SLC9B2: variants seen among roughly 807,000 people sequenced by gnomAD.
SLC9B2 encodes solute carrier family 9 member B2.
SLC9B2 carries 39 observed loss-of-function variants against 52.2 expected under a neutral mutation model. The observed-to-expected ratio is 0.75, with a 90% CI of 0.58 to 0.98. The LOEUF is 0.98. Among genes scored for constraint, SLC9B2 ranks in the 50% least tolerant of loss-of-function variants. The probability of loss-of-function intolerance (pLI) is 0.00; values close to 1 mark genes in which losing one functional copy is unlikely to be tolerated. For synonymous variants in SLC9B2, 214 were observed against 227.0 expected, an observed-to-expected ratio of 0.94 and a Z score of 0.51; for missense variants, 626 against 637.5, an observed-to-expected ratio of 0.98 and a Z score of 0.19.
At chr4:103,020,267 T>TTTC (rs57424390), downstream of SLC9B2, 4 of 418,310 alleles carry the variant, frequency 9.6e-6, no homozygotes, top group Non-Finnish European at 1.9e-5. Flanking sequence ...TTTTTTTTTT[T>TTTC]CCGCATGAAA....
At chr4:103,061,555 T>C (rs917984067) in intron 3 of SLC9B2, among the ~76,000 whole-genome samples, 3 of 152,108 alleles carry the variant, frequency 2.0e-5, no homozygotes, top group African/African-American at 7.2e-5. Flanking sequence ...ATATACCTAA[T>C]GTTAAATGAC....
At chr4:103,060,113 A>C (rs1745491855) in intron 3 of SLC9B2, among the ~76,000 whole-genome samples, 1 of 151,198 alleles carries the variant, frequency 6.6e-6, no homozygotes, top group African/African-American at 2.4e-5. Flanking sequence ...GTTTTGCTTA[A>C]GATTTATGTT....
In SLC9B2 at chr4:103,048,892, C is replaced by A. The variant is rs1302627568; in HGVS notation, c.713+1G>T. ...TCATATGACAAAGAAACAATCATTA[C>A]CCCAGTATAAATCCCCATTGCCATG... is the stretch of plus-strand genomic sequence containing the variant. On this transcript the variant is annotated splice_donor_variant, in intron 6 of 11. Coordinates refer to ENST00000394785, the MANE Select transcript of SLC9B2 (RefSeq NM_178833.7). LOFTEE classifies it high-confidence loss of function. 1.2e-6 allele frequency: 2 copies of A among 1,613,380 alleles called. No homozygotes were observed. The highest frequency in any genetic ancestry group is 1.7e-6 in the Non-Finnish European group (2 of 1,179,612).
At chr4:103,040,889 GC>G (rs1233656347) in intron 9 of SLC9B2, among the ~76,000 whole-genome samples, 1 of 152,126 alleles carries the variant, frequency 6.6e-6, no homozygotes, top group African/African-American at 2.4e-5. Flanking sequence ...AAATTCTCAA[GC>G]CCCACCACAG....
chr4:103,044,742 T>C, intron 8 of SLC9B2, 148 bp downstream of exon 8: 2 of 685,520 alleles, frequency 2.9e-6, no homozygotes, highest in South Asian at 3.7e-5. Flanking sequence ...GCCCACTTCA[T>C]AAATCTCATG....
chr4:103,074,543 T>C (rs564573072), intron 1 of SLC9B2, among the ~76,000 whole-genome samples: 3 of 152,324 alleles, frequency 2.0e-5, no homozygotes, highest in African/African-American at 4.8e-5. Context: ...TGCCTTTGTA[T>C]TGAAATTTCT....
At chr4:103,052,225 G>A (rs1560552263) in intron 4 of SLC9B2, among the ~76,000 whole-genome samples, 2 of 152,158 alleles carry the variant, frequency 1.3e-5, no homozygotes, top group Non-Finnish European at 2.9e-5. Context: ...TTCTCATAAG[G>A]AGCACACAAC....
intron 4 of SLC9B2, among the ~76,000 whole-genome samples, chr4:103,055,244 T>TG (rs1745028696): frequency 1.7e-5 from 1 of 57,340 alleles, no homozygotes; most frequent in Admixed American, 2.7e-4. Flanking sequence ...TGTTGTGGGG[T>TG]GGGGGGAGGG....
rs1045210295 is a variant in SLC9B2 at position 103,062,619 on chromosome 4, CTTTT to C, written c.271+3704_271+3707del. 2.1e-4 allele frequency among the ~76,000 whole-genome samples: 32 copies of C among 152,040 alleles called. 1 individual carries two copies. The highest frequency in any genetic ancestry group is 1.5e-5 in the Non-Finnish European group (1 of 67,986). On this transcript the variant is annotated intron_variant, in intron 3 of 11. Coordinates refer to ENST00000394785, the MANE Select transcript of SLC9B2 (RefSeq NM_178833.7). The stretch of plus-strand genomic sequence containing the variant: ...CACAAATTTTCACATGTAAGATTTA[CTTTT>C]TTTATTTTTATTTTTTGAGACAGTT...
At chr4:103,031,132 G>A (rs1359655369) in intron 10 of SLC9B2, among the ~76,000 whole-genome samples, 1 of 152,124 alleles carries the variant, frequency 6.6e-6, no homozygotes, top group Non-Finnish European at 1.5e-5. Flanking sequence ...AAGGAGTAGC[G>A]GGAGATGGGA....
In SLC9B2 at chr4:103,024,205, C is replaced by A. The variant is rs757501244; in HGVS notation, c.*2165G>T. Reference sequence around the variant, plus strand: ...CCTTAAGGACAGGGACAATATTATTCTTGATGATGTGCCTGGATCTCAAAA... The same window carrying A: ...CCTTAAGGACAGGGACAATATTATTATTGATGATGTGCCTGGATCTCAAAA... On this transcript the variant is annotated 3_prime_UTR_variant, in exon 12 of 12. Transcript: ENST00000394785. Among the ~76,000 whole-genome samples the A allele has an allele frequency of 1.3e-5, 2 of 152,144 alleles. No homozygotes were observed. The highest frequency in any genetic ancestry group is 2.9e-5 in the Non-Finnish European group (2 of 68,014).
chr4:103,024,621 A>G lies in SLC9B2; in HGVS notation c.*1749T>C, dbSNP rs185944716. ...AGGATATTCATAATTCATTCATCTA[A>G]TACATATTTAATATCTACTTCAAGA... On this transcript the variant is annotated 3_prime_UTR_variant, in exon 12 of 12. Coordinates refer to ENST00000394785, the MANE Select transcript of SLC9B2 (RefSeq NM_178833.7). 6.6e-6 allele frequency among the ~76,000 whole-genome samples: 1 copy of G among 152,346 alleles called. No homozygotes were observed. Among genetic ancestry groups the G allele is most frequent in the African/African-American group, 2.4e-5 (1 of 41,580 alleles).
upstream of SLC9B2, chr4:103,077,009 T>C (rs919784859): frequency 2.0e-5 from 3 of 152,266 alleles, no homozygotes; most frequent in African/African-American, 7.2e-5. Context: ...GCTTAACACC[T>C]GCCCTTCTTG....
chr4:103,048,979 C>A lies in SLC9B2; in HGVS notation c.627G>T (p.Met209Ile). Reference sequence around the variant, plus strand: ...TGCACGCCTCCACAATACAGGGACCCATGGACAGTCTTACACAAACGCCCT... The same window carrying A: ...TGCACGCCTCCACAATACAGGGACCAATGGACAGTCTTACACAAACGCCCT... ...KLKGVCVRLSMGPCIVEACTS... is the reference protein window; with the variant it reads ...KLKGVCVRLSIGPCIVEACTS... The change falls in exon 6 of 12, where the codon ATG becomes ATT. Residue 209 changes from methionine (M) to isoleucine (I), a missense_variant. Coordinates refer to ENST00000394785, the MANE Select transcript of SLC9B2 (RefSeq NM_178833.7). 2 of 1,613,920 alleles carry A rather than the reference C, an allele frequency of 1.2e-6. No individual in the cohort carries two copies. The highest frequency in any genetic ancestry group is 8.5e-7 in the Non-Finnish European group (1 of 1,179,884).
At chr4:103,027,736 A>T (rs1742351232) in intron 11 of SLC9B2, among the ~76,000 whole-genome samples, 1 of 152,152 alleles carries the variant, frequency 6.6e-6, no homozygotes, top group Non-Finnish European at 1.5e-5. Flanking sequence ...GGCTGGTCAC[A>T]TTGCTGTCCA....
intron 4 of SLC9B2, among the ~76,000 whole-genome samples, chr4:103,053,188 A>C (rs1271196202): frequency 6.6e-6 from 1 of 152,078 alleles, no homozygotes; most frequent in Non-Finnish European, 1.5e-5. Flanking sequence ...TTTCAAATTC[A>C]TTTCAGGAAT....
chr4:103,068,731 G>C (rs1746363858), intron 1 of SLC9B2, among the ~76,000 whole-genome samples: 1 of 152,068 alleles, frequency 6.6e-6, no homozygotes, highest in Non-Finnish European at 1.5e-5. Context: ...TCTTGATAGA[G>C]GTACACACTA....
At chr4:103,043,716 A>G (rs1743845504) in intron 8 of SLC9B2, among the ~76,000 whole-genome samples, 2 of 152,198 alleles carry the variant, frequency 1.3e-5, no homozygotes, top group South Asian at 2.1e-4. Flanking sequence ...AAGTAGCAGA[A>G]AAAAAGTACA....
chr4:103,037,818 A>T (rs1222085522), intron 9 of SLC9B2, among the ~76,000 whole-genome samples: 1 of 151,128 alleles, frequency 6.6e-6, no homozygotes, highest in Non-Finnish European at 1.5e-5. Context: ...TTTAAATTTT[A>T]CTTTTTAATT....
Sources: allele counts gnomAD v4.1 joint callset (sites outside exome capture counted in the v4.1 genomes callset), GRCh38; gene constraint gnomAD v4.1.1; transcripts MANE v1.5; gene names NCBI Gene and HGNC (gene_info 2026-07-23, HGNC 2026-07-21).